LMNB1: variants seen among roughly 807,000 people sequenced by gnomAD.
LMNB1 encodes the protein lamin B1.
LMNB1 carries 23 observed loss-of-function variants against 67.1 expected under a neutral mutation model. The observed-to-expected ratio is 0.34, with a 90% CI of 0.25 to 0.49. The LOEUF is 0.49. Among genes scored for constraint, LMNB1 ranks in the 20% least tolerant of loss-of-function variants. The probability of loss-of-function intolerance (pLI) is 0.99; values close to 1 mark genes in which losing one functional copy is unlikely to be tolerated. For synonymous variants in LMNB1, 281 were observed against 282.9 expected, an observed-to-expected ratio of 0.99 and a Z score of 0.07; for missense variants, 634 against 746.5, an observed-to-expected ratio of 0.85 and a Z score of 1.76.
intron 2 of LMNB1, 32 bp from the exon 3 acceptor site, chr5:126,805,539 A>G (rs764825740): frequency 2.0e-5 from 30 of 1,518,782 alleles, no homozygotes; most frequent in Non-Finnish European, 2.6e-5. Context: ...TTGCCATGTA[A>G]TTTTTATCAC....
chr5:126,797,009 G>C (rs762898307), intron 1 of LMNB1, among the ~76,000 whole-genome samples: 3 of 151,988 alleles, frequency 2.0e-5, no homozygotes, highest in African/African-American at 7.2e-5. Context: ...GGCTGGTCTT[G>C]AACTCCTGGC....
At chr5:126,817,560 A>G (rs942512191) in intron 5 of LMNB1, among the ~76,000 whole-genome samples, 3 of 152,176 alleles carry the variant, frequency 2.0e-5, no homozygotes, top group Non-Finnish European at 4.4e-5. Flanking sequence ...TGAATCTAGT[A>G]GGACAGCATT....
chr5:126,784,076 G>T (rs1346820592), intron 1 of LMNB1, among the ~76,000 whole-genome samples: 1 of 129,896 alleles, frequency 7.7e-6, no homozygotes, highest in Non-Finnish European at 1.6e-5. Context: ...CCAGGCTGGA[G>T]TACAGTGGTG....
At chr5:126,825,652 C>T (rs1480821336) in intron 8 of LMNB1, among the ~76,000 whole-genome samples, 1 of 152,206 alleles carries the variant, frequency 6.6e-6, no homozygotes, top group Non-Finnish European at 1.5e-5. Flanking sequence ...TCAATAATCG[C>T]ACCTGTTACA....
intron 1 of LMNB1, among the ~76,000 whole-genome samples, chr5:126,787,534 ATATATATATATATTTTT>A (rs1750830420): frequency 1.1e-5 from 1 of 88,732 alleles, no homozygotes; most frequent in Non-Finnish European, 2.2e-5. Context: ...GTATATATAT[ATATATATATATATTTTT>A]TTTTTTTTTT....
intron 8 of LMNB1, 102 bp downstream of exon 8, chr5:126,822,987 G>GT: frequency 1.4e-6 from 1 of 706,760 alleles, no homozygotes. Context: ...AGAAATGGCC[G>GT]TTAAAGTACT....
intron 6 of LMNB1, among the ~76,000 whole-genome samples, chr5:126,820,012 G>T (rs1751821207): frequency 6.6e-6 from 1 of 152,064 alleles, no homozygotes. Context: ...GGGCATGGTG[G>T]CAGGCACCTG....
chr5:126,789,782 T>C (rs1168256993), intron 1 of LMNB1, among the ~76,000 whole-genome samples: 1 of 152,100 alleles, frequency 6.6e-6, no homozygotes, highest in Non-Finnish European at 1.5e-5. Context: ...CAAGTGATTC[T>C]CCTGCCTCAG....
rs142491365 is a variant in LMNB1, at chr5:126,811,849, G to A, written c.890G>A (p.Arg297His). ...NSAREELMES[R>H]MRIESLSSQL... ...GCCAGGGAAGAACTGATGGAAAGCC[G>A]CATGAGAATTGAGAGCCTTTCATCC... Residue 297 changes from arginine to histidine, a missense_variant, in exon 5 of 11, where the codon CGC becomes CAC. By Grantham distance (29) the Arg-to-His change is conservative. Transcript: ENST00000261366. The A allele has an allele frequency of 2.2e-5, 35 of 1,611,974 alleles. No individual in the cohort carries two copies. The highest frequency in any genetic ancestry group is 1.5e-4 in the African/African-American group (11 of 74,890).
intron 1 of LMNB1, among the ~76,000 whole-genome samples, chr5:126,784,014 ATTTTTTTTTTTTTTT>A (rs61578729): frequency 1.7e-5 from 1 of 59,436 alleles, no homozygotes; most frequent in Non-Finnish European, 2.9e-5. Flanking sequence ...CTGTCATTTG[ATTTTTTTTTTTTTTT>A]TTTTTTTTTT....
chr5:126,777,031 G>C (rs1044649791), upstream of LMNB1: 2 of 154,152 alleles, frequency 1.3e-5, no homozygotes, highest in African/African-American at 4.8e-5. Context: ...AGGCGCCGGG[G>C]CGTGCCGGCC....
At chr5:126,818,013 T>C (rs1049838061) in intron 5 of LMNB1, among the ~76,000 whole-genome samples, 1 of 152,232 alleles carries the variant, frequency 6.6e-6, no homozygotes, top group African/African-American at 2.4e-5. Context: ...ATGCCAAATA[T>C]ACAGCTTCTA....
chr5:126,834,745 G>A (rs982220184), intron 10 of LMNB1, among the ~76,000 whole-genome samples: 1 of 152,078 alleles, frequency 6.6e-6, no homozygotes, highest in Non-Finnish European at 1.5e-5. Flanking sequence ...GCGTGGTGGC[G>A]GGAGCCTGTA....
Position 126,777,857 on chromosome 5 carries a change from C to G in LMNB1, c.349C>G (p.Leu117Val). ...LGKCKAEHDQLLLNYAKKESD... is the reference protein window; with the variant it reads ...LGKCKAEHDQVLLNYAKKESD... ...CAAGTGCAAGGCGGAACACGACCAG[C>G]TGCTCCTCAAGTGAGTGCTAGCTGG... The change falls in exon 1 of 11, where the codon CTG (leucine) becomes GTG (valine). Residue 117 changes from leucine to valine, a missense_variant. Coordinates refer to ENST00000261366, the MANE Select transcript of LMNB1 (RefSeq NM_005573.4). 1 of 1,433,572 alleles carries G rather than the reference C, an allele frequency of 7.0e-7. No individual in the cohort carries two copies. The highest frequency in any genetic ancestry group is 9.2e-7 in the Non-Finnish European group (1 of 1,092,048). The allele number at this position is 1,433,572 out of a possible 1,614,324, so 88.8% of individuals were successfully genotyped here.
intron 10 of LMNB1, among the ~76,000 whole-genome samples, chr5:126,834,460 C>A (rs185763098): frequency 1.9e-4 from 29 of 152,326 alleles, no homozygotes; most frequent in Non-Finnish European, 1.2e-4. Flanking sequence ...TTAAAGGGCC[C>A]TTTGTAACAT....
intron 1 of LMNB1, among the ~76,000 whole-genome samples, chr5:126,789,349 G>A (rs1247740414): frequency 1.3e-5 from 2 of 152,094 alleles, no homozygotes; most frequent in African/African-American, 4.8e-5. Context: ...AGCTTCTAGG[G>A]TAAAGACTAA....
At chr5:126,800,982 A>ATATATATATTTTTTT in intron 1 of LMNB1, among the ~76,000 whole-genome samples, 2 of 18,632 alleles carry the variant, frequency 1.1e-4, no homozygotes, top group African/African-American at 1.7e-4. Context: ...TATATATATA[A>ATATATATATTTTTTT]TTTTTTTTTT....
chr5:126,817,206 C>G (rs549037730), intron 5 of LMNB1, among the ~76,000 whole-genome samples: 2 of 152,322 alleles, frequency 1.3e-5, no homozygotes, highest in South Asian at 4.1e-4. Context: ...ACTGGGAGTT[C>G]TGTCAGCTTG....
At chr5:126,834,480 C>G (rs1561757209) in intron 10 of LMNB1, among the ~76,000 whole-genome samples, 1 of 152,182 alleles carries the variant, frequency 6.6e-6, no homozygotes, top group Non-Finnish European at 1.5e-5. Flanking sequence ...TTCTCTTAGT[C>G]AAAGTCATGA....
Sources: allele counts gnomAD v4.1 joint callset (sites outside exome capture counted in the v4.1 genomes callset), GRCh38; gene constraint gnomAD v4.1.1; transcripts MANE v1.5; gene names NCBI Gene and HGNC (gene_info 2026-07-23, HGNC 2026-07-21).